The following RIC8B variants were observed in gnomAD, a reference collection of about 807,000 sequenced individuals.
The protein encoded by RIC8B is chaperone Ric-8B.
A neutral mutation model predicts 57.5 loss-of-function variants in RIC8B; 16 were observed. The ratio of observed to expected loss-of-function variants is 0.28; its 90% CI spans 0.19 to 0.42. RIC8B has a LOEUF of 0.42. Ranked by LOEUF, RIC8B falls within the 10% of genes least tolerant of loss-of-function variation. The pLI, the probability that RIC8B is intolerant of heterozygous loss-of-function variation, is 1.00. For missense variants in RIC8B, 481 were observed against 677.0 expected, an observed-to-expected ratio of 0.71 and a Z score of 3.21; for synonymous variants, 216 against 250.8, an observed-to-expected ratio of 0.86 and a Z score of 1.31.
chr12:106,812,913 G>A (rs1031947540), intron 2 of RIC8B, among the ~76,000 whole-genome samples: 2 of 152,076 alleles, frequency 1.3e-5, no homozygotes, highest in African/African-American at 2.4e-5. Context: ...TGTCTTATCA[G>A]ATAAAGTTCT....
At position 106,843,834 on chromosome 12, in the gene RIC8B, T is replaced by C. The variant is rs143357550; in HGVS notation, c.1066-18T>C. On this transcript the variant is annotated intron_variant, in intron 5 of 9. Transcript: ENST00000392837. Reference sequence around the variant, plus strand: ...AAAACTAACGTATTTCAAAAACATATGGTTTTTTTTTTTATAGGGAAGCAG... The same window carrying C: ...AAAACTAACGTATTTCAAAAACATACGGTTTTTTTTTTTATAGGGAAGCAG... 5.8e-3 allele frequency: 8,811 copies of C among 1,520,374 alleles called. 35 individuals carry two copies. The highest frequency in any genetic ancestry group is 7.2e-3 in the Non-Finnish European group (8,004 of 1,105,494). The allele number at this position is 1,520,374 out of a possible 1,614,324, so 94.2% of individuals were successfully genotyped here.
intron 4 of RIC8B, among the ~76,000 whole-genome samples, chr12:106,827,134 T>C (rs1368277372): frequency 6.6e-6 from 1 of 152,206 alleles, no homozygotes; most frequent in Non-Finnish European, 1.5e-5. Flanking sequence ...ATTAACGGAC[T>C]GCTGTAAAAA....
intron 9 of RIC8B, 83 bp downstream of exon 9, chr12:106,871,025 C>T (rs1411827044): frequency 7.4e-7 from 1 of 1,346,864 alleles, no homozygotes; most frequent in South Asian, 1.6e-5. Flanking sequence ...TACCATAGAA[C>T]AGCAACTCTG....
chr12:106,838,113 T>C (rs1467594637), intron 4 of RIC8B, among the ~76,000 whole-genome samples: 1 of 152,184 alleles, frequency 6.6e-6, no homozygotes, highest in African/African-American at 2.4e-5. Flanking sequence ...ATCAAAACAG[T>C]TTTTGTATTG....
At chr12:106,818,086 T>C (rs997598330) in intron 3 of RIC8B, among the ~76,000 whole-genome samples, 3 of 152,184 alleles carry the variant, frequency 2.0e-5, no homozygotes, top group Non-Finnish European at 2.9e-5. Flanking sequence ...TATATGCTCA[T>C]TGTATAATAT....
intron 9 of RIC8B, among the ~76,000 whole-genome samples, chr12:106,873,464 T>A (rs764103296): frequency 1.3e-5 from 2 of 152,214 alleles, no homozygotes; most frequent in Non-Finnish European, 2.9e-5. Context: ...GTCTTACATG[T>A]CTTTTGTGCT....
At chr12:106,777,407 T>C (rs922176651) in intron 1 of RIC8B, among the ~76,000 whole-genome samples, 3 of 152,108 alleles carry the variant, frequency 2.0e-5, no homozygotes, top group Non-Finnish European at 4.4e-5. Flanking sequence ...AAAAAAATAG[T>C]TGGGTACCAT....
chr12:106,862,461 C>G (rs1278070302), intron 8 of RIC8B, among the ~76,000 whole-genome samples: 2 of 151,876 alleles, frequency 1.3e-5, no homozygotes, highest in African/African-American at 4.8e-5. Flanking sequence ...GCAGGAGTAC[C>G]CTTTGTACTC....
intron 3 of RIC8B, among the ~76,000 whole-genome samples, chr12:106,820,095 C>T (rs1460854039): frequency 6.6e-6 from 1 of 152,126 alleles, no homozygotes; most frequent in Non-Finnish European, 1.5e-5. Context: ...AAATCTTTGC[C>T]TGTTTCACAG....
At chr12:106,841,498 T>C (rs1948945909) in intron 4 of RIC8B, among the ~76,000 whole-genome samples, 1 of 152,190 alleles carries the variant, frequency 6.6e-6, no homozygotes, top group Non-Finnish European at 1.5e-5. Flanking sequence ...AGGGTGTCAC[T>C]ATAATCTAAA....
chr12:106,849,638 CT>C (rs1237772589), intron 6 of RIC8B, among the ~76,000 whole-genome samples: 1 of 151,948 alleles, frequency 6.6e-6, no homozygotes, highest in East Asian at 1.9e-4. Flanking sequence ...TCTAAAATCA[CT>C]AGCCTGAAAA....
chr12:106,851,569 C>T lies in RIC8B; in HGVS notation c.1281C>T (p.Phe427=). 1.2e-6 allele frequency: 2 copies of T among 1,612,480 alleles called. No homozygotes were observed. The highest frequency in any genetic ancestry group is 1.7e-6 in the Non-Finnish European group (2 of 1,179,860). ...GAGTCAAGCAAATTGCTGCTGAATTCCTTTTTGTCCTTTGCAAAGAGAGAG... is the reference window on the plus strand; with the variant it reads ...GAGTCAAGCAAATTGCTGCTGAATTTCTTTTTGTCCTTTGCAAAGAGAGAG... ...DLGVKQIAAE[F]LFVLCKERVD... is the part of the protein sequence containing the mutation. The change falls in exon 7 of 10, where the codon TTC becomes TTT. Residue 427 remains phenylalanine (F), a synonymous_variant. Transcript: ENST00000392837.
intron 1 of RIC8B, chr12:106,775,311 C>G (rs1420339152): frequency 4.4e-6 from 2 of 456,044 alleles, no homozygotes; most frequent in African/African-American, 4.0e-5. Flanking sequence ...CTATGGTCTC[C>G]TTTGATCCTC....
intron 7 of RIC8B, among the ~76,000 whole-genome samples, chr12:106,852,977 C>T (rs1339811346): frequency 1.3e-5 from 2 of 152,140 alleles, no homozygotes; most frequent in East Asian, 1.9e-4. Context: ...AATCCAAAAT[C>T]ACACATATGT....
At chr12:106,856,422 T>C (rs929822575) in intron 7 of RIC8B, among the ~76,000 whole-genome samples, 1 of 152,228 alleles carries the variant, frequency 6.6e-6, no homozygotes, top group Non-Finnish European at 1.5e-5. Context: ...TTAATCATAC[T>C]AAATTCTTTA....
At chr12:106,826,604 A>G (rs2046111759) in intron 4 of RIC8B, among the ~76,000 whole-genome samples, 1 of 152,190 alleles carries the variant, frequency 6.6e-6, no homozygotes, top group African/African-American at 2.4e-5. Flanking sequence ...AAATACAAAA[A>G]AAGTAGCTGG....
rs545128126 is a variant in RIC8B, at chr12:106,862,911, A to G, written c.1451+2499A>G. ...GGCTTTCTGCAATTAGCACACTTAG[A>G]GAAAATATACTCATAGAATTGAGTT... On this transcript the variant is annotated intron_variant, in intron 8 of 9. Transcript: ENST00000392837. Among the ~76,000 whole-genome samples, 29 of 152,260 alleles carry G rather than the reference A, an allele frequency of 1.9e-4. No homozygotes were observed. The East Asian group carries it at 4.8e-3, about 25-fold the overall frequency.
chr12:106,787,918 AG>A (rs1326823540), intron 2 of RIC8B, among the ~76,000 whole-genome samples: 2 of 152,166 alleles, frequency 1.3e-5, no homozygotes, highest in African/African-American at 4.8e-5. Flanking sequence ...CCTTTCCAAC[AG>A]TCCCCCAAAG....
intron 1 of RIC8B, among the ~76,000 whole-genome samples, chr12:106,780,010 T>C (rs537791572): frequency 4.6e-4 from 70 of 151,170 alleles, no homozygotes; most frequent in Admixed American, 1.6e-3. Context: ...TGCCCAGCCC[T>C]CAGGACTTCT....
Sources: gnomAD v4.1 joint callset for allele counts (sites outside exome capture counted in the v4.1 genomes callset) on GRCh38, gnomAD v4.1.1 for gene constraint, MANE v1.5 for transcripts, NCBI Gene and HGNC (gene_info 2026-07-23, HGNC 2026-07-21) for gene names.